DSCAM: variants seen among roughly 807,000 people sequenced by gnomAD.
DSCAM encodes DS cell adhesion molecule, also known as cell adhesion molecule DSCAM.
Under a neutral mutation model 217.7 loss-of-function variants are expected in DSCAM, and 47 were observed. The ratio of observed to expected loss-of-function variants is 0.22; its 90% CI spans 0.17 to 0.28. The LOEUF is 0.28. Among genes scored for constraint, DSCAM ranks in the 10% least tolerant of loss-of-function variants. DSCAM has a pLI of 1.00. For synonymous variants in DSCAM, 1,056 were observed against 1,015.3 expected, an observed-to-expected ratio of 1.04 and a Z score of -0.76; for missense variants, 2,080 against 2,618.3, an observed-to-expected ratio of 0.79 and a Z score of 4.49.
chr21:40,147,206 A>G (rs4402848), intron 16 of DSCAM, among the ~76,000 whole-genome samples: 72,035 of 152,138 alleles, frequency 0.47, 19,697 homozygotes, highest in South Asian at 0.63. Context: ...AGTAGACAGT[A>G]AAGTCAAATG....
intron 32 of DSCAM, among the ~76,000 whole-genome samples, chr21:40,025,833 C>G (rs1214708916): frequency 1.3e-5 from 2 of 150,712 alleles, no homozygotes; most frequent in Non-Finnish European, 3.0e-5. Flanking sequence ...CTCCTGGATT[C>G]ATTAATTTTT....
intron 1 of DSCAM, among the ~76,000 whole-genome samples, chr21:40,829,639 G>A (rs775299992): frequency 3.3e-5 from 5 of 152,176 alleles, no homozygotes; most frequent in Admixed American, 1.3e-4. Context: ...AGATAGATCC[G>A]TGATGGTATC....
chr21:40,676,127 A>G (rs2090334685), intron 3 of DSCAM, among the ~76,000 whole-genome samples: 1 of 152,238 alleles, frequency 6.6e-6, no homozygotes, highest in African/African-American at 2.4e-5. Context: ...AAAGAAAGTA[A>G]TCATCCATAT....
intron 3 of DSCAM, among the ~76,000 whole-genome samples, chr21:40,621,952 G>A (rs1205504390): frequency 6.7e-6 from 1 of 149,766 alleles, no homozygotes; most frequent in Admixed American, 6.7e-5. Context: ...AAAAAGAAAG[G>A]AAGGAAGGAA....
chr21:40,169,276 A>G (rs1316245475), intron 15 of DSCAM, among the ~76,000 whole-genome samples: 31 of 152,188 alleles, frequency 2.0e-4, no homozygotes, highest in Admixed American at 2.0e-3. Flanking sequence ...TTGAAACCTG[A>G]TTGTTGCTTT....
At chr21:40,676,566 T>G (rs1017175352) in intron 3 of DSCAM, among the ~76,000 whole-genome samples, 2 of 152,214 alleles carry the variant, frequency 1.3e-5, no homozygotes, top group African/African-American at 4.8e-5. Context: ...TTTTGTTTTG[T>G]TTTTTAATTT....
rs1211355592 is a variant in DSCAM at position 40,144,870 on chromosome 21, G to A, written c.3019-139C>T. 8.2e-7 allele frequency: 1 copy of A among 1,218,806 alleles called. No homozygotes were observed. Among genetic ancestry groups the A allele is most frequent in the South Asian group, 1.4e-5 (1 of 69,496 alleles). 75.5% of individuals were successfully genotyped at this position (1,218,806 alleles called of 1,614,324 possible). ...CTGGGGCGGTGGTCCGGTAGCAGCC[G>A]CAAACCCACGTACAGTGCAACTTGG... On this transcript the variant is annotated intron_variant, in intron 16 of 32. Coordinates refer to ENST00000400454, the MANE Select transcript of DSCAM (RefSeq NM_001389.5). The surrounding 1 kb of genome is among the most constrained non-coding windows in gnomAD (Gnocchi z 4.8).
At chr21:40,381,141 G>T (rs552382887) in intron 3 of DSCAM, among the ~76,000 whole-genome samples, 2 of 151,906 alleles carry the variant, frequency 1.3e-5, no homozygotes, top group Admixed American at 6.6e-5. Context: ...AGGCAAAGGC[G>T]ATGAGGACCA....
At chr21:40,521,728 G>A (rs1333115116) in intron 3 of DSCAM, among the ~76,000 whole-genome samples, 1 of 152,168 alleles carries the variant, frequency 6.6e-6, no homozygotes, top group Non-Finnish European at 1.5e-5. Flanking sequence ...GAGATGGGGA[G>A]TGGAGGGTCA....
chr21:40,437,834 G>A (rs1401468995), intron 3 of DSCAM, among the ~76,000 whole-genome samples: 2 of 152,170 alleles, frequency 1.3e-5, no homozygotes, highest in East Asian at 1.9e-4. Context: ...TGGGCAAAAA[G>A]AGTGAAACTT....
chr21:40,480,727 T>G (rs1227164496), intron 3 of DSCAM, among the ~76,000 whole-genome samples: 1 of 152,204 alleles, frequency 6.6e-6, no homozygotes, highest in African/African-American at 2.4e-5. Context: ...TGGTTTTGAG[T>G]GCAGAAAGTT....
At chr21:40,634,672 T>C (rs78711270) in intron 3 of DSCAM, among the ~76,000 whole-genome samples, 12,470 of 152,252 alleles carry the variant, frequency 0.082, 637 homozygotes, top group Middle Eastern at 0.14. Context: ...ATTTGGGACA[T>C]CCCAGGTTAA....
intron 32 of DSCAM, among the ~76,000 whole-genome samples, chr21:40,031,673 T>A (rs1347966963): frequency 6.6e-6 from 1 of 152,128 alleles, no homozygotes; most frequent in Non-Finnish European, 1.5e-5. Context: ...AGTGAGGCCT[T>A]GTGAGAAGCT....
intron 3 of DSCAM, among the ~76,000 whole-genome samples, chr21:40,474,462 C>T (rs1054018630): frequency 6.6e-6 from 1 of 152,008 alleles, no homozygotes; most frequent in African/African-American, 2.4e-5. Flanking sequence ...GTAGGCAATA[C>T]TTTTCTTTGT....
intron 21 of DSCAM, among the ~76,000 whole-genome samples, chr21:40,090,448 A>T (rs947484832): frequency 1.3e-5 from 2 of 151,734 alleles, no homozygotes; most frequent in Non-Finnish European, 2.9e-5. Context: ...GCCCCTCCAC[A>T]CCCACTGATG....
Position 40,044,273 on chromosome 21 carries a change from G to T in DSCAM, c.5188C>A (p.Pro1730Thr). 6.2e-7 allele frequency: 1 copy of T among 1,613,300 alleles called. No individual in the cohort carries two copies. The highest frequency in any genetic ancestry group is 1.1e-5 in the South Asian group (1 of 90,964). Residue 1730 changes from proline to threonine, a missense_variant and splice_region_variant, in exon 31 of 33, where the codon CCC becomes ACC. By Grantham distance (38) the Pro-to-Thr change is conservative. Around this residue, in one of 5 missense-constraint regions of DSCAM, gnomAD observed 1,144 missense variants for 1,421.1 expected, o/e 0.81. Transcript: ENST00000400454. ...GCCTTGGCATTCCTCCTGGTGGTGG[G>T]ATCTGTGAAGAGCCAAGAATCATGT... ...DVSDARPGTN[P>T]TTRRNAKAGP...
At chr21:40,074,286 T>G (rs1409778068) in intron 27 of DSCAM, among the ~76,000 whole-genome samples, 2 of 152,178 alleles carry the variant, frequency 1.3e-5, no homozygotes, top group East Asian at 3.9e-4. Context: ...GTAATACACG[T>G]TACCGAAAAA....
Position 40,709,999 on chromosome 21 carries a change from CTGT to C in DSCAM, c.44-1231_44-1229del, listed in dbSNP as rs573648201. On this transcript the variant is annotated intron_variant, in intron 1 of 32. Transcript: ENST00000400454. ...TATTTCTCCACATCCTCTCCAGCAT[CTGT>C]TGTTTCCTGACTTTTTAATGGTCAC... Among the ~76,000 whole-genome samples the C allele has an allele frequency of 5.9e-5, 9 of 152,314 alleles. No homozygotes were observed. The South Asian group carries it at 1.9e-3, about 32-fold the overall frequency.
intron 3 of DSCAM, among the ~76,000 whole-genome samples, chr21:40,565,211 C>T (rs781408481): frequency 1.1e-4 from 17 of 152,156 alleles, no homozygotes; most frequent in Non-Finnish European, 2.1e-4. Flanking sequence ...ATGGCCAATG[C>T]GGCTAATAGG....
Sources: allele counts gnomAD v4.1 joint callset (sites outside exome capture counted in the v4.1 genomes callset), GRCh38; gene constraint gnomAD v4.1.1; regional missense constraint gnomAD v4.1.1; non-coding constraint Gnocchi (gnomAD v3.1); transcripts MANE v1.5; gene names NCBI Gene and HGNC (gene_info 2026-07-23, HGNC 2026-07-21).